RYR3: variants seen among roughly 807,000 people sequenced by gnomAD.
RYR3 encodes the protein brain ryanodine receptor-calcium release channel.
In RYR3, 207 loss-of-function variants were observed where a neutral mutation model predicts 584.3. The ratio of observed to expected loss-of-function variants is 0.35; its 90% CI spans 0.32 to 0.40. The LOEUF (loss-of-function observed/expected upper bound fraction) is 0.40. Among genes scored for constraint, RYR3 ranks in the 10% least tolerant of loss-of-function variants. The pLI is 1.00. For missense variants in RYR3, 5,616 were observed against 6,089.2 expected (o/e 0.92, Z 2.59); for synonymous variants, 2,416 against 2,248.5 (o/e 1.07, Z -2.11).
intron 69 of RYR3, among the ~76,000 whole-genome samples, chr15:33,803,290 G>A (rs1274544662): frequency 6.6e-6 from 1 of 152,140 alleles, no homozygotes; most frequent in Non-Finnish European, 1.5e-5. Context: ...TATCCTTTGT[G>A]CTTTAGTTTT....
chr15:33,662,798 G>A lies in RYR3; in HGVS notation c.5268G>A (p.Gly1756=). ...ILLLIDPSVF[G]EHSAGTEEGA... ...TCCTGATTGATCCCTCTGTGTTTGG[G>A]GAGCATAGTGCGGGGACAGAGGAGG... Residue 1756 remains glycine (G), a synonymous_variant, in exon 35 of 104, where the codon GGG becomes GGA. Transcript: ENST00000634891. 1 of 1,614,014 alleles carries A rather than the reference G, an allele frequency of 6.2e-7. No homozygotes were observed. The highest frequency in any genetic ancestry group is 8.5e-7 in the Non-Finnish European group (1 of 1,179,896).
rs749184735 is a variant in RYR3 at position 33,707,042 on chromosome 15, G to A, written c.6607G>A (p.Val2203Ile). The A allele has an allele frequency of 1.2e-6, 2 of 1,613,928 alleles. No homozygotes were observed. The highest frequency in any genetic ancestry group is 1.7e-5 in the Admixed American group (1 of 60,016). ...ERYLSFLRFA[V>I]FVNSESVEEN... ...CTACCTGTCCTTCCTGAGGTTTGCT[G>A]TCTTCGTGAACAGTGAGTCCCACAT... Residue 2203 changes from valine (V) to isoleucine (I), a missense_variant, in exon 43 of 104, where the codon GTC becomes ATC. Transcript: ENST00000634891.
chr15:33,764,519 A>G (rs1198070557), intron 60 of RYR3, among the ~76,000 whole-genome samples: 1 of 151,992 alleles, frequency 6.6e-6, no homozygotes, highest in Non-Finnish European at 1.5e-5. Context: ...TGGCGCGTGT[A>G]TACCTATGTA....
intron 38 of RYR3, among the ~76,000 whole-genome samples, chr15:33,695,445 T>C (rs1336082809): frequency 6.6e-6 from 1 of 152,172 alleles, no homozygotes; most frequent in Non-Finnish European, 1.5e-5. Context: ...GTAAAACCAG[T>C]ATGAGCCCCA....
At chr15:33,723,112 T>C (rs903862632) in intron 44 of RYR3, among the ~76,000 whole-genome samples, 1 of 152,254 alleles carries the variant, frequency 6.6e-6, no homozygotes, top group Non-Finnish European at 1.5e-5. Context: ...TCTACTCTGC[T>C]CAGCGCAGCT....
At chr15:33,421,485 C>T (rs373069641) in intron 1 of RYR3, among the ~76,000 whole-genome samples, 10 of 152,042 alleles carry the variant, frequency 6.6e-5, no homozygotes, top group Non-Finnish European at 1.3e-4. Flanking sequence ...TGGTGAGAAT[C>T]GGATGTGGAC....
At chr15:33,645,636 C>G (rs79890390) in intron 28 of RYR3, among the ~76,000 whole-genome samples, 8,896 of 152,250 alleles carry the variant, frequency 0.058, 309 homozygotes, top group Admixed American at 0.091. Flanking sequence ...AAGAACAGTT[C>G]TATAGAGAGC....
intron 2 of RYR3, among the ~76,000 whole-genome samples, chr15:33,495,833 A>G (rs922977906): frequency 6.6e-6 from 1 of 152,356 alleles, no homozygotes; most frequent in South Asian, 2.1e-4. Context: ...TCTGGTTAAG[A>G]TGAGGTATAG....
chr15:33,828,294 A>C (rs542032254), intron 85 of RYR3, among the ~76,000 whole-genome samples: 1 of 152,272 alleles, frequency 6.6e-6, no homozygotes, highest in East Asian at 1.9e-4. Flanking sequence ...ACAGTATTGA[A>C]GTTAGGTCAG....
chr15:33,311,207 G>T lies in RYR3; in HGVS notation c.51+111G>T. 1 of 787,786 alleles carries T rather than the reference G, an allele frequency of 1.3e-6. No homozygotes were observed. The highest frequency in any genetic ancestry group is 3.6e-5 in the South Asian group (1 of 27,490). The allele number at this position is 787,786 out of a possible 1,614,324, so 48.8% of individuals were successfully genotyped here. A position where few individuals can be genotyped will look rare whatever the true frequency, so the allele number is the denominator to read the frequency against. On this transcript the variant is annotated intron_variant, in intron 1 of 103. Transcript: ENST00000634891. This position sits in a 1 kb window ranked among gnomAD's most constrained non-coding sequence, Gnocchi z 4.4. ...CGGTGCCGGGTGCCCGGTGCCGGGCGCTTTCTCCGCACCCGCGGGCTGCAG... is the reference window on the plus strand; with the variant it reads ...CGGTGCCGGGTGCCCGGTGCCGGGCTCTTTCTCCGCACCCGCGGGCTGCAG...
At chr15:33,503,442 C>T (rs2052183139) in intron 2 of RYR3, among the ~76,000 whole-genome samples, 189 bp from the exon 3 acceptor site, 2 of 152,298 alleles carry the variant, frequency 1.3e-5, no homozygotes, top group Admixed American at 6.5e-5. Context: ...ATATATGGGG[C>T]TTTTCTTACC....
chr15:33,532,300 A>T (rs2054947717), intron 4 of RYR3, among the ~76,000 whole-genome samples: 1 of 152,194 alleles, frequency 6.6e-6, no homozygotes, highest in Non-Finnish European at 1.5e-5. Flanking sequence ...ATGTATCTTT[A>T]TAATAAGAAA....
chr15:33,538,341 G>A (rs948952356), intron 5 of RYR3, among the ~76,000 whole-genome samples: 4 of 152,142 alleles, frequency 2.6e-5, no homozygotes, highest in Non-Finnish European at 2.9e-5. Context: ...GTGACCTAAA[G>A]CCACAGTATG....
chr15:33,623,505 T>C (rs1404444653), intron 19 of RYR3, among the ~76,000 whole-genome samples: 1 of 152,218 alleles, frequency 6.6e-6, no homozygotes, highest in African/African-American at 2.4e-5. Flanking sequence ...ATAATATCTA[T>C]AGTAATTATT....
At chr15:33,612,312 A>C (rs1181928298) in intron 18 of RYR3, among the ~76,000 whole-genome samples, 1 of 152,224 alleles carries the variant, frequency 6.6e-6, no homozygotes, top group African/African-American at 2.4e-5. Flanking sequence ...CTTATCCGAA[A>C]TAATAAAGTT....
intron 2 of RYR3, among the ~76,000 whole-genome samples, chr15:33,495,873 A>G (rs2051374371): frequency 1.3e-5 from 2 of 152,248 alleles, no homozygotes; most frequent in African/African-American, 4.8e-5. Flanking sequence ...CCTTTGAAGT[A>G]TAACTACAAT....
chr15:33,486,717 A>G (rs535744509), intron 2 of RYR3, among the ~76,000 whole-genome samples: 92 of 152,328 alleles, frequency 6.0e-4, no homozygotes, highest in African/African-American at 2.2e-3. Context: ...AGTTTGTAGA[A>G]GAATAATGAT....
intron 1 of RYR3, among the ~76,000 whole-genome samples, chr15:33,404,585 G>GTTTTTTTTTT (rs200311525): frequency 6.3e-5 from 8 of 127,734 alleles, no homozygotes; most frequent in Non-Finnish European, 1.1e-4. Context: ...ATTTACTACT[G>GTTTTTTTTTT]TGTGTTTTTT....
At chr15:33,843,619 A>T in intron 92 of RYR3, 45 bp downstream of exon 92, 41 of 1,220,136 alleles carry the variant, frequency 3.4e-5, no homozygotes, top group Non-Finnish European at 4.0e-5. Flanking sequence ...GCTGTATACT[A>T]AGTATGCTAT....
Sources: gnomAD v4.1 joint callset for allele counts (sites outside exome capture counted in the v4.1 genomes callset) on GRCh38, gnomAD v4.1.1 for gene constraint, Gnocchi (gnomAD v3.1) non-coding constraint, MANE v1.5 for transcripts, NCBI Gene and HGNC (gene_info 2026-07-23, HGNC 2026-07-21) for gene names.